The following SETBP1 variants were observed in gnomAD, a reference collection of about 807,000 sequenced individuals.
SETBP1 encodes SET-binding protein.
Under a neutral mutation model 101.0 loss-of-function variants are expected in SETBP1, and 9 were observed. The observed-to-expected ratio is 0.09, with a 90% CI of 0.05 to 0.16. SETBP1 has a LOEUF of 0.16. SETBP1 is among the 10% of genes least tolerant of loss of function. The pLI, the probability that SETBP1 is intolerant of heterozygous loss-of-function variation, is 1.00. For missense variants in SETBP1, 1,858 were observed against 2,033.8 expected (o/e 0.91, Z 1.66); for synonymous variants, 818 against 788.5 (o/e 1.04, Z -0.63).
chr18:44,860,272 G>A (rs760626055), intron 2 of SETBP1, among the ~76,000 whole-genome samples: 21 of 152,132 alleles, frequency 1.4e-4, no homozygotes, highest in Non-Finnish European at 2.9e-4. Context: ...TACGGACTTT[G>A]GAAACAGCCC....
intron 3 of SETBP1, among the ~76,000 whole-genome samples, chr18:44,890,873 T>A (rs1019228493): frequency 1.3e-5 from 2 of 152,104 alleles, no homozygotes; most frequent in African/African-American, 4.8e-5. Context: ...CAAACTGGAT[T>A]GGAATTTACA....
At chr18:45,050,418 A>T (rs1420467903) in intron 5 of SETBP1, among the ~76,000 whole-genome samples, 2 of 152,164 alleles carry the variant, frequency 1.3e-5, no homozygotes, top group Admixed American at 1.3e-4. Context: ...ATTGGAACTA[A>T]CTCCGTTAGT....
chr18:45,023,341 A>C (rs1907710466), intron 4 of SETBP1, among the ~76,000 whole-genome samples: 1 of 152,016 alleles, frequency 6.6e-6, no homozygotes, highest in African/African-American at 2.4e-5. Flanking sequence ...GGCTCAGGGG[A>C]GATTTTTATT....
At chr18:44,934,476 G>T (rs1245179276) in intron 3 of SETBP1, among the ~76,000 whole-genome samples, 2 of 152,164 alleles carry the variant, frequency 1.3e-5, no homozygotes, top group Non-Finnish European at 2.9e-5. Context: ...AAGTAGAGAA[G>T]ATAAGTAACG....
chr18:44,802,601 T>C lies in SETBP1; in HGVS notation c.487-66629T>C, dbSNP rs150479652. 2.6e-3 allele frequency among the ~76,000 whole-genome samples: 392 copies of C among 152,278 alleles called. 4 individuals carry two copies. The highest frequency in any genetic ancestry group is 8.9e-3 in the African/African-American group (369 of 41,580). On this transcript the variant is annotated intron_variant, in intron 2 of 5. Transcript: ENST00000649279. ...TTCCTCAGCATTCATCTTGAGCCCATGTATCTATTCCTTGTCCCACCCATG... is the reference window on the plus strand; with the variant it reads ...TTCCTCAGCATTCATCTTGAGCCCACGTATCTATTCCTTGTCCCACCCATG...
At chr18:44,928,753 C>G (rs192735490) in intron 3 of SETBP1, among the ~76,000 whole-genome samples, 56 of 152,320 alleles carry the variant, frequency 3.7e-4, no homozygotes, top group South Asian at 8.3e-4. Flanking sequence ...TGTTCATAGC[C>G]TTTACCCACT....
intron 2 of SETBP1, among the ~76,000 whole-genome samples, chr18:44,757,514 C>T (rs1023736101): frequency 2.0e-5 from 3 of 152,138 alleles, no homozygotes; most frequent in Non-Finnish European, 4.4e-5. Flanking sequence ...CTCTGTATCC[C>T]CGGCCAGCCT....
Position 44,760,790 on chromosome 18 carries a change from A to T in SETBP1, c.486+58958A>T, listed in dbSNP as rs545498117. Among the ~76,000 whole-genome samples the T allele has an allele frequency of 5.3e-5, 8 of 152,318 alleles. No homozygotes were observed. The East Asian group carries it at 1.5e-3, about 29-fold the overall frequency. ...ATACTGTTTTTTAACTCGCAGTAAA[A>T]TATATTTAAATAGCATCGAATGGTG... On this transcript the variant is annotated intron_variant, in intron 2 of 5. Coordinates refer to ENST00000649279, the MANE Select transcript of SETBP1 (RefSeq NM_015559.3).
chr18:45,002,659 C>T (rs774417071), intron 4 of SETBP1, among the ~76,000 whole-genome samples: 7 of 152,164 alleles, frequency 4.6e-5, no homozygotes, highest in African/African-American at 1.4e-4. Flanking sequence ...TGGGTGCCTT[C>T]GCCCTCAAAC....
chr18:44,914,096 G>A (rs906501665), intron 3 of SETBP1, among the ~76,000 whole-genome samples: 1 of 152,176 alleles, frequency 6.6e-6, no homozygotes, highest in African/African-American at 2.4e-5. Context: ...GCTGCAGAAG[G>A]CACTCCCATC....
intron 3 of SETBP1, among the ~76,000 whole-genome samples, chr18:44,919,496 C>T (rs2070526715): frequency 6.6e-6 from 1 of 151,958 alleles, no homozygotes; most frequent in African/African-American, 2.4e-5. Flanking sequence ...ACTACAGGTG[C>T]ACACCACCAC....
intron 2 of SETBP1, among the ~76,000 whole-genome samples, chr18:44,747,095 C>T (rs2070272134): frequency 6.6e-6 from 1 of 152,212 alleles, no homozygotes; most frequent in Non-Finnish European, 1.5e-5. Context: ...AGGGAAGCTG[C>T]ATGTGAATGG....
intron 2 of SETBP1, among the ~76,000 whole-genome samples, chr18:44,722,678 C>T (rs916681141): frequency 1.3e-5 from 2 of 152,110 alleles, no homozygotes; most frequent in Admixed American, 1.3e-4. Flanking sequence ...GAACAAAATT[C>T]GGGAGTACGC....
chr18:44,864,174 G>C (rs78355419), intron 2 of SETBP1, among the ~76,000 whole-genome samples: 1 of 152,144 alleles, frequency 6.6e-6, no homozygotes, highest in African/African-American at 2.4e-5. Context: ...ATAGAAGTTT[G>C]CAGGGAGAAG....
intron 2 of SETBP1, among the ~76,000 whole-genome samples, chr18:44,821,051 A>G (rs574659205): frequency 6.6e-6 from 1 of 152,308 alleles, no homozygotes; most frequent in African/African-American, 2.4e-5. Flanking sequence ...GCTTCCCACA[A>G]AGATGTATTG....
At chr18:45,042,688 T>C (rs559481187) in intron 5 of SETBP1, among the ~76,000 whole-genome samples, 1 of 152,218 alleles carries the variant, frequency 6.6e-6, no homozygotes, top group Non-Finnish European at 1.5e-5. Flanking sequence ...GGTCCCCCAA[T>C]TTTTTTGTTT....
intron 4 of SETBP1, among the ~76,000 whole-genome samples, chr18:44,966,547 C>T (rs75967493): frequency 0.013 from 1,910 of 152,082 alleles, 38 homozygotes; most frequent in African/African-American, 0.043. Flanking sequence ...TCTTATTCAC[C>T]CAAATCAAAT....
At chr18:45,019,432 T>TACATTGACTC (rs1376369376) in intron 4 of SETBP1, among the ~76,000 whole-genome samples, 5 of 152,240 alleles carry the variant, frequency 3.3e-5, no homozygotes, top group Non-Finnish European at 7.3e-5. Flanking sequence ...CTAATTAACA[T>TACATTGACTC]ACATTGACTC....
intron 4 of SETBP1, among the ~76,000 whole-genome samples, chr18:44,979,511 G>T (rs1053018712): frequency 2.6e-5 from 4 of 152,176 alleles, no homozygotes; most frequent in African/African-American, 9.7e-5. Flanking sequence ...AGATAATTTA[G>T]TAAAGCTTGG....
Sources: allele counts gnomAD v4.1 joint callset (sites outside exome capture counted in the v4.1 genomes callset), GRCh38; gene constraint gnomAD v4.1.1; transcripts MANE v1.5; gene names NCBI Gene and HGNC (gene_info 2026-07-23, HGNC 2026-07-21).